The following MARCHF1 variants were observed in gnomAD, a reference collection of about 807,000 sequenced individuals.
MARCHF1 encodes the protein membrane associated ring-CH-type finger 1.
A neutral mutation model predicts 54.2 loss-of-function variants in MARCHF1; 40 were observed. The ratio of observed to expected loss-of-function variants is 0.74; its 90% confidence interval spans 0.57 to 0.96. The LOEUF (loss-of-function observed/expected upper bound fraction) is 0.96. Ranked by LOEUF, MARCHF1 falls within the 40% of genes least tolerant of loss-of-function variation. The pLI is 0.00. For missense variants in MARCHF1, 586 were observed against 656.5 expected (o/e 0.89, Z 1.17); for synonymous variants, 236 against 236.3 (o/e 1.00, Z 0.01).
chr4:163,799,771 C>G (rs867394216), intron 4 of MARCHF1, among the ~76,000 whole-genome samples: 1 of 152,004 alleles, frequency 6.6e-6, no homozygotes, highest in Non-Finnish European at 1.5e-5. Context: ...TCCACAATGG[C>G]TGAACTAATT....
chr4:164,356,258 AT>A (rs1424266489), intron 1 of MARCHF1, among the ~76,000 whole-genome samples: 2 of 117,208 alleles, frequency 1.7e-5, no homozygotes, highest in African/African-American at 2.8e-5. Flanking sequence ...CAGCCATCCC[AT>A]TACTGGGTAT....
At chr4:163,900,122 T>C (rs1750906040) in intron 3 of MARCHF1, among the ~76,000 whole-genome samples, 1 of 152,166 alleles carries the variant, frequency 6.6e-6, no homozygotes. Context: ...CTTTTGCTAC[T>C]AATATTTATT....
chr4:164,238,352 C>G (rs1174101916), intron 1 of MARCHF1, among the ~76,000 whole-genome samples: 2 of 151,974 alleles, frequency 1.3e-5, no homozygotes, highest in African/African-American at 2.4e-5. Context: ...AAAGTTGAAT[C>G]AACAGTTGAC....
chr4:163,879,002 G>A (rs1014529505), intron 3 of MARCHF1, among the ~76,000 whole-genome samples: 1 of 152,048 alleles, frequency 6.6e-6, no homozygotes. Flanking sequence ...ACTAGCAAAG[G>A]GCAACCAGCT....
At chr4:164,214,397 T>C (rs17044754) in intron 1 of MARCHF1, among the ~76,000 whole-genome samples, 2,286 of 152,254 alleles carry the variant, frequency 0.015, 53 homozygotes, top group African/African-American at 0.051. Flanking sequence ...TAAATGAAGA[T>C]TGGTTCTAAA....
intron 5 of MARCHF1, among the ~76,000 whole-genome samples, chr4:163,697,847 C>T (rs1033550765): frequency 2.0e-5 from 3 of 152,154 alleles, no homozygotes; most frequent in African/African-American, 7.2e-5. Context: ...AGATCACTAA[C>T]ATTTTCCTTA....
intron 1 of MARCHF1, among the ~76,000 whole-genome samples, chr4:164,331,165 A>T (rs952430314): frequency 6.6e-6 from 1 of 152,116 alleles, no homozygotes; most frequent in Non-Finnish European, 1.5e-5. Context: ...TTCTCTCCTA[A>T]GTGAATAGCA....
At chr4:163,925,036 CTG>C (rs1751508650) in intron 3 of MARCHF1, among the ~76,000 whole-genome samples, 2 of 151,678 alleles carry the variant, frequency 1.3e-5, no homozygotes, top group African/African-American at 4.8e-5. Context: ...CCCAAAGTAA[CTG>C]TTGATTTCCA....
rs1435418790 is a variant in MARCHF1, at chr4:164,356,070, C to T, written c.-323+27800G>A. Reference sequence around the variant, plus strand: ...GCAAATCAAAGCCACTATGAGACATCATCTCACACCAGTTAGAATGGCAAT... The same window carrying T: ...GCAAATCAAAGCCACTATGAGACATTATCTCACACCAGTTAGAATGGCAAT... On this transcript the variant is annotated intron_variant, in intron 1 of 9. Coordinates refer to ENST00000514618, the MANE Select transcript of MARCHF1 (RefSeq NM_001394959.1). Among the ~76,000 whole-genome samples the T allele has an allele frequency of 9.6e-4, 131 of 136,676 alleles. 1 individual carries two copies. Among genetic ancestry groups the T allele is most frequent in the Middle Eastern group, 7.2e-3 (2 of 278 alleles). The allele number at this position is 136,676 out of a possible 152,430, so 89.7% of individuals were successfully genotyped here.
At chr4:164,158,458 C>T (rs6855023) in intron 1 of MARCHF1, among the ~76,000 whole-genome samples, 28,960 of 151,728 alleles carry the variant, frequency 0.19, 4,409 homozygotes, top group African/African-American at 0.41. Context: ...CTGACCAATA[C>T]GATGAAACTC....
intron 3 of MARCHF1, among the ~76,000 whole-genome samples, chr4:163,965,874 C>T: frequency 6.6e-6 from 1 of 151,990 alleles, no homozygotes; most frequent in Admixed American, 6.6e-5. Flanking sequence ...ATACTTGATA[C>T]CTAAGAATAG....
intron 2 of MARCHF1, among the ~76,000 whole-genome samples, chr4:164,105,772 A>G (rs1307559182): frequency 8.2e-6 from 1 of 122,186 alleles, no homozygotes; most frequent in Admixed American, 8.1e-5. Context: ...AATGGGATCT[A>G]ATTAAACTAA....
At chr4:163,749,615 C>T (rs79053124) in intron 4 of MARCHF1, among the ~76,000 whole-genome samples, 1,799 of 152,044 alleles carry the variant, frequency 0.012, 30 homozygotes, top group African/African-American at 0.039. Flanking sequence ...TCCTAGTTTG[C>T]TGATAATTTT....
At chr4:164,143,551 A>C (rs9715146) in intron 1 of MARCHF1, among the ~76,000 whole-genome samples, 184 of 150,796 alleles carry the variant, frequency 1.2e-3, no homozygotes, top group Non-Finnish European at 2.1e-3. Context: ...TTCAACCCAG[A>C]ATTTCATATC....
rs1579520026 is a variant in MARCHF1 at position 164,084,381 on chromosome 4, A to C, written c.-248+27207T>G. Among the ~76,000 whole-genome samples the C allele has an allele frequency of 2.6e-5, 4 of 152,008 alleles. No individual in the cohort carries two copies. In the East Asian group the frequency reaches 7.7e-4, roughly 29 times the overall value. ...ATAAATATTTGGTGAATTAAATAGA[A>C]TTGCATTTTCATGTTTTAAATGAGG... On this transcript the variant is annotated intron_variant, in intron 2 of 9. Coordinates refer to ENST00000514618, the MANE Select transcript of MARCHF1 (RefSeq NM_001394959.1).
chr4:163,559,997 A>G (rs1739416409), intron 8 of MARCHF1, among the ~76,000 whole-genome samples: 1 of 151,274 alleles, frequency 6.6e-6, no homozygotes, highest in Non-Finnish European at 1.5e-5. Flanking sequence ...CAGACATTTG[A>G]TATGAAAATA....
intron 1 of MARCHF1, among the ~76,000 whole-genome samples, chr4:164,130,330 T>C (rs895952836): frequency 1.3e-5 from 2 of 152,126 alleles, no homozygotes; most frequent in Admixed American, 1.3e-4. Context: ...TTAAAAGGTA[T>C]AAAAGCAATT....
intron 3 of MARCHF1, among the ~76,000 whole-genome samples, chr4:163,942,103 T>C (rs188710704): frequency 1.0e-4 from 15 of 150,004 alleles, no homozygotes; most frequent in African/African-American, 3.1e-4. Context: ...CATGTTAAAA[T>C]ATTTATTTTC....
intron 1 of MARCHF1, among the ~76,000 whole-genome samples, chr4:164,256,449 GAAAGA>G (rs750627539): frequency 7.1e-5 from 9 of 127,650 alleles, no homozygotes; most frequent in African/African-American, 1.5e-4. Flanking sequence ...AAAAAAAAAA[GAAAGA>G]AAAGAAAAGA....
Sources: gnomAD v4.1 joint callset for allele counts (sites outside exome capture counted in the v4.1 genomes callset) on GRCh38, gnomAD v4.1.1 for gene constraint, MANE v1.5 for transcripts, NCBI Gene and HGNC (gene_info 2026-07-23, HGNC 2026-07-21) for gene names.